The following PBXIP1 variants were observed in gnomAD, a reference collection of about 807,000 sequenced individuals.
PBXIP1 encodes the protein PBX homeobox interacting protein 1.
A neutral mutation model predicts 73.7 loss-of-function variants in PBXIP1; 73 were observed. That is an observed-to-expected ratio of 0.99 (90% CI 0.82 to 1.20). The LOEUF is 1.20. PBXIP1 is among the 50% of genes most tolerant of loss of function. The probability of loss-of-function intolerance (pLI) is 0.00; values close to 1 mark genes in which losing one functional copy is unlikely to be tolerated. For missense variants in PBXIP1, 818 were observed against 911.4 expected (o/e 0.90, Z 1.32); for synonymous variants, 330 against 366.9 (o/e 0.90, Z 1.15).
intron 2 of PBXIP1, among the ~76,000 whole-genome samples, chr1:154,952,396 CCT>C (rs1164716410): frequency 4.6e-5 from 7 of 152,086 alleles, no homozygotes; most frequent in East Asian, 3.9e-4. Context: ...CCCGCTGGCC[CCT>C]GACACTCCCC....
rs756652713 is a variant in PBXIP1 at position 154,947,708 on chromosome 1, G to A, written c.672C>T (p.Pro224=). Residue 224 remains proline, a synonymous_variant, in exon 8 of 11, where the codon CCC becomes CCT. Coordinates refer to ENST00000368463, the MANE Select transcript of PBXIP1 (RefSeq NM_020524.4). The part of the protein sequence containing the change: ...SGGLSESETG[P]MEEVERQVLP... ...GGACCTGCCGCTCCACTTCCTCCAT[G>A]GGCCCTGTGGGAAAGGGAAACCCTG... 2 of 1,613,184 alleles carry A rather than the reference G, an allele frequency of 1.2e-6. No homozygotes were observed. Among genetic ancestry groups the A allele is most frequent in the Non-Finnish European group, 1.7e-6 (2 of 1,179,766 alleles).
Position 154,945,970 on chromosome 1 carries a change from A to G in PBXIP1, c.1704T>C (p.His568=), listed in dbSNP as rs767617186. The change falls in exon 10 of 11, where the codon CAT becomes CAC. Residue 568 remains histidine (H), a synonymous_variant. Coordinates refer to ENST00000368463, the MANE Select transcript of PBXIP1 (RefSeq NM_020524.4). ...GCTCTGCCCAGGATGGCAGGGGGTCATGGCTGTCCTTAGTCCCTTCCCTCC... is the reference window on the plus strand; with the variant it reads ...GCTCTGCCCAGGATGGCAGGGGGTCGTGGCTGTCCTTAGTCCCTTCCCTCC... ...PRWREGTKDS[H]DPLPSWAELL... 6.2e-6 allele frequency: 10 copies of G among 1,614,010 alleles called. No homozygotes were observed. The East Asian group carries it at 2.2e-4, about 36-fold the overall frequency.
At chr1:154,952,448 C>T (rs1046561345) in intron 2 of PBXIP1, among the ~76,000 whole-genome samples, 1 of 152,062 alleles carries the variant, frequency 6.6e-6, no homozygotes, top group Non-Finnish European at 1.5e-5. Context: ...GAAGCCCAAC[C>T]CACCCCAACC....
intron 1 of PBXIP1, among the ~76,000 whole-genome samples, chr1:154,955,597 C>T (rs1413611646): frequency 1.3e-5 from 2 of 152,170 alleles, no homozygotes; most frequent in Non-Finnish European, 2.9e-5. Flanking sequence ...TAGGAAGTTC[C>T]TTCTGCTGTC....
rs762710022 is a variant in PBXIP1 at position 154,951,939 on chromosome 1, A to G, written c.52-18T>C. On this transcript the variant is annotated intron_variant, in intron 2 of 10. Transcript: ENST00000368463. This position sits in a 1 kb window ranked among gnomAD's most constrained non-coding sequence, Gnocchi z 4.3. ...GGCAGGCTCTGGGAGGAGAAGTGCAAGGAGAAGGGCTGCACCCAAGAATGG... is the reference window on the plus strand; with the variant it reads ...GGCAGGCTCTGGGAGGAGAAGTGCAGGGAGAAGGGCTGCACCCAAGAATGG... The G allele has an allele frequency of 3.1e-6, 5 of 1,600,408 alleles. No homozygotes were observed. The highest frequency in any genetic ancestry group is 4.3e-6 in the Non-Finnish European group (5 of 1,176,348).
chr1:154,946,058 TTCGGGCCCTG>T lies in PBXIP1; in HGVS notation c.1606_1615del (p.Gln536ArgfsTer40). On this transcript the variant is annotated frameshift_variant, in exon 10 of 11. Transcript: ENST00000368463. LOFTEE classifies it high-confidence loss of function. Reference sequence around the variant, plus strand: ...GCTACCACTTTTCCTTGGGGGTTCCTTCGGGCCCTGTCGCTTGCCCTCCTTCTTGCTCCCC... The same window carrying T: ...GCTACCACTTTTCCTTGGGGGTTCCTTCGCTTGCCCTCCTTCTTGCTCCCC... 1 of 1,614,184 alleles carries T rather than the reference TTCGGGCCCTG, an allele frequency of 6.2e-7. No homozygotes were observed. The highest frequency in any genetic ancestry group is 8.5e-7 in the Non-Finnish European group (1 of 1,180,016).
At position 154,944,090 on chromosome 1, in the gene PBXIP1, G is replaced by A. The variant is rs41264249; in HGVS notation, c.*934C>T. 1,743 of 152,214 alleles carry A rather than the reference G, an allele frequency of 0.011. 11 individuals carry two copies. The highest frequency in any genetic ancestry group is 0.02 in the Middle Eastern group (6 of 294). The allele number at this position is 152,214 out of a possible 1,614,324, so 9.4% of individuals were successfully genotyped here. On this transcript the variant is annotated 3_prime_UTR_variant, in exon 11 of 11. Transcript: ENST00000368463. The stretch of plus-strand genomic sequence containing the variant: ...AAAACAGGAGAGGCATTTTTCTTGC[G>A]TTGCTTTTATTTAATCACTTCCCCA...
intron 1 of PBXIP1, among the ~76,000 whole-genome samples, chr1:154,954,468 C>T (rs757747717): frequency 3.3e-5 from 5 of 152,176 alleles, no homozygotes; most frequent in Non-Finnish European, 7.3e-5. Flanking sequence ...CTGGATGCAC[C>T]TTTTATAAGT....
In PBXIP1 at chr1:154,946,560, T is replaced by C; in HGVS notation, c.1114A>G (p.Arg372Gly). Reference protein sequence around the residue: ...GDKAIREQGPREQEPELSFLK... With the variant: ...GDKAIREQGPGEQEPELSFLK... ...AAGCTGAGTTCTGGCTCCTGCTCCCTGGGGCCTTGCTCCCTGATGGCCTTG... is the reference window on the plus strand; with the variant it reads ...AAGCTGAGTTCTGGCTCCTGCTCCCCGGGGCCTTGCTCCCTGATGGCCTTG... The change falls in exon 10 of 11, where the codon AGG becomes GGG. Residue 372 changes from arginine to glycine, a missense_variant. By Grantham distance (125) the Arg-to-Gly change is moderately radical. Transcript: ENST00000368463. 1 of 1,612,910 alleles carries C rather than the reference T, an allele frequency of 6.2e-7. No homozygotes were observed. Among genetic ancestry groups the C allele is most frequent in the Non-Finnish European group, 8.5e-7 (1 of 1,180,024 alleles).
Position 154,947,271 on chromosome 1 carries a change from A to G in PBXIP1, c.870+146T>C, listed in dbSNP as rs776125165. The G allele has an allele frequency of 4.2e-6, 4 of 963,076 alleles. No homozygotes were observed. The African/African-American group carries it at 6.5e-5, about 16-fold the overall frequency. 59.7% of individuals were successfully genotyped at this position (963,076 alleles called of 1,614,324 possible). A position where few individuals can be genotyped will look rare whatever the true frequency, so the allele number is the denominator to read the frequency against. ...TTAGCACAAGGGATGTGAACCAAGA[A>G]CTGGGAAGACGCCCTGACTATAGTG... On this transcript the variant is annotated intron_variant, in intron 9 of 10. Transcript: ENST00000368463.
At position 154,947,703 on chromosome 1, in the gene PBXIP1, TCCATGGGC is replaced by T. The variant is rs780583425; in HGVS notation, c.669_676del (p.Pro224GlyfsTer34). ...TGGGAGGACCTGCCGCTCCACTTCC[TCCATGGGC>T]CCTGTGGGAAAGGGAAACCCTGAAA... On this transcript the variant is annotated frameshift_variant and splice_region_variant, in exon 8 of 11. Transcript: ENST00000368463. LOFTEE classifies it high-confidence loss of function. 3.3e-5 allele frequency: 54 copies of T among 1,613,248 alleles called. No homozygotes were observed. The highest frequency in any genetic ancestry group is 4.3e-5 in the Non-Finnish European group (51 of 1,179,878).
intron 5 of PBXIP1, among the ~76,000 whole-genome samples, chr1:154,949,102 C>T (rs1654927229): frequency 6.6e-6 from 1 of 152,108 alleles, no homozygotes; most frequent in Admixed American, 6.5e-5. Context: ...TCACAACCCA[C>T]ACTGTACCTG....
At chr1:154,948,501 T>C in intron 5 of PBXIP1, 135 bp from the exon 6 acceptor site, 1 of 614,374 alleles carries the variant, frequency 1.6e-6, no homozygotes, top group Middle Eastern at 4.4e-4. Context: ...ATGAAGACCT[T>C]GCCCACTTGC....
In PBXIP1 at chr1:154,946,448, T is replaced by C. The variant is rs1654824797; in HGVS notation, c.1226A>G (p.Gln409Arg). Reference protein sequence around the residue: ...ERQRRLLGSVQQDLERSLQDA... With the variant: ...ERQRRLLGSVRQDLERSLQDA... The stretch of plus-strand genomic sequence containing the variant: ...CTGCAAGCTCCTCTCCAGATCCTGC[T>C]GTACAGACCCCAGCAGCCGTCGCTG... Residue 409 changes from glutamine to arginine, a missense_variant, in exon 10 of 11, where the codon CAG (glutamine) becomes CGG (arginine). By Grantham distance (43) the Gln-to-Arg change is conservative. Coordinates refer to ENST00000368463, the MANE Select transcript of PBXIP1 (RefSeq NM_020524.4). 1.4e-5 allele frequency: 23 copies of C among 1,609,292 alleles called. No individual in the cohort carries two copies. The highest frequency in any genetic ancestry group is 2.2e-5 in the East Asian group (1 of 44,882).
At position 154,951,900 on chromosome 1, in the gene PBXIP1, C is replaced by A; in HGVS notation, c.73G>T (p.Gly25Cys). The A allele has an allele frequency of 6.2e-7, 1 of 1,611,644 alleles. No homozygotes were observed. Among genetic ancestry groups the A allele is most frequent in the Non-Finnish European group, 8.5e-7 (1 of 1,179,378 alleles). The change falls in exon 3 of 11, where the codon GGC becomes TGC. Residue 25 changes from glycine (G) to cysteine (C), a missense_variant. Gly to Cys is a radical substitution (Grantham distance 159). Transcript: ENST00000368463. The surrounding 1 kb of genome is among the most constrained non-coding windows in gnomAD (Gnocchi z 4.3). Reference protein sequence around the residue: ...GSESLPVETLGPASRMDPESE... With the variant: ...GSESLPVETLCPASRMDPESE... ...TCTGGGTCCATCCTGGATGCCGGGC[C>A]CAGTGTCTCCACTGGCAGGCTCTGG...
At chr1:154,952,022 G>A in intron 2 of PBXIP1, 101 bp from the exon 3 acceptor site, 1 of 1,318,890 alleles carries the variant, frequency 7.6e-7, no homozygotes, top group Non-Finnish European at 1.0e-6. Context: ...CCCAAAAAGG[G>A]GCTCGGGGCA....
At position 154,948,265 on chromosome 1, in the gene PBXIP1, G is replaced by A. The variant is rs1036277096; in HGVS notation, c.511C>T (p.Gln171Ter). ...RRRGREAGPP[Q>*]PMVPLAVENQ... ...TCCACAGCCAGGGGCACCATGGGCT[G>A]AGGTGGGCCGGCCTCCCGGCCCCGC... The change falls in exon 6 of 11, where the codon CAG (glutamine) becomes TAG (stop). Residue 171 changes from glutamine (Q) to a stop codon, truncating the protein, a stop_gained. Transcript: ENST00000368463. LOFTEE classifies it high-confidence loss of function. 6 of 1,611,460 alleles carry A rather than the reference G, an allele frequency of 3.7e-6. No individual in the cohort carries two copies. Among genetic ancestry groups the A allele is most frequent in the African/African-American group, 1.3e-5 (1 of 74,902 alleles).
In PBXIP1 at chr1:154,951,615, C is replaced by G; in HGVS notation, c.179-80G>C. ...GCAGCCCTCTGTCCATCCCACGGGC[C>G]CCTACCAGGTTGGAAGAGGCAGGAA... is the stretch of plus-strand genomic sequence containing the variant. On this transcript the variant is annotated intron_variant, in intron 3 of 10. Transcript: ENST00000368463. The surrounding 1 kb of genome is among the most constrained non-coding windows in gnomAD (Gnocchi z 4.3). 6.7e-7 allele frequency: 1 copy of G among 1,499,836 alleles called. No homozygotes were observed. The highest frequency in any genetic ancestry group is 9.3e-7 in the Non-Finnish European group (1 of 1,077,740). The allele number at this position is 1,499,836 out of a possible 1,614,324, so 92.9% of individuals were successfully genotyped here.
Position 154,946,104 on chromosome 1 carries a change from C to T in PBXIP1, c.1570G>A (p.Val524Met). The T allele has an allele frequency of 6.2e-7, 1 of 1,614,160 alleles. No homozygotes were observed. The highest frequency in any genetic ancestry group is 1.1e-5 in the South Asian group (1 of 91,084). ...TCCTTCTTGCTCCCCGACTCCTCCA[C>T]CCTTGGCCTGCCCTCCTTCCACCTT... is the stretch of plus-strand genomic sequence containing the variant. Reference protein sequence around the residue: ...AGRWKEGRPRVEESGSKKEGK... With the variant: ...AGRWKEGRPRMEESGSKKEGK... The change falls in exon 10 of 11, where the codon GTG becomes ATG. Residue 524 changes from valine to methionine, a missense_variant. Transcript: ENST00000368463.
Sources: gnomAD v4.1 joint callset for allele counts (sites outside exome capture counted in the v4.1 genomes callset) on GRCh38, gnomAD v4.1.1 for gene constraint, Gnocchi (gnomAD v3.1) non-coding constraint, MANE v1.5 for transcripts, NCBI Gene and HGNC (gene_info 2026-07-23, HGNC 2026-07-21) for gene names.